Variants in NFAT5 observed in about 807,000 individuals in gnomAD.
NFAT5 encodes nuclear factor of activated T cells 5.
In NFAT5, 31 loss-of-function variants were observed where a neutral mutation model predicts 166.5. That is an observed-to-expected ratio of 0.19 (90% CI 0.14 to 0.25). NFAT5 has a LOEUF of 0.25. Among genes scored for constraint, NFAT5 ranks in the 10% least tolerant of loss-of-function variants. NFAT5 has a pLI of 1.00. For missense variants in NFAT5, 1,449 were observed against 1,821.8 expected (o/e 0.80, Z 3.72); for synonymous variants, 612 against 639.7 (o/e 0.96, Z 0.65).
intron 2 of NFAT5, among the ~76,000 whole-genome samples, chr16:69,621,253 TA>T (rs74847444): frequency 0.061 from 8,798 of 143,630 alleles, 428 homozygotes; most frequent in East Asian, 0.24. Context: ...TCTCTTCCTT[TA>T]AAAAAAAAAA....
chr16:69,624,416 A>G (rs2034349673), intron 2 of NFAT5, among the ~76,000 whole-genome samples: 1 of 152,026 alleles, frequency 6.6e-6, no homozygotes, highest in Non-Finnish European at 1.5e-5. Context: ...CATTTTGGCC[A>G]GGCTGGTCTC....
At chr16:69,576,487 T>TG (rs1216559976) in intron 2 of NFAT5, among the ~76,000 whole-genome samples, 2 of 152,098 alleles carry the variant, frequency 1.3e-5, no homozygotes, top group Non-Finnish European at 2.9e-5. Flanking sequence ...ATGACTCTTT[T>TG]GGGGAAGATT....
chr16:69,590,309 T>C (rs527822540), intron 2 of NFAT5, among the ~76,000 whole-genome samples: 1 of 152,358 alleles, frequency 6.6e-6, no homozygotes, highest in South Asian at 2.1e-4. Context: ...AATCTTGTTT[T>C]AGACAATTTT....
chr16:69,579,195 T>C (rs2031505388), intron 2 of NFAT5, among the ~76,000 whole-genome samples: 2 of 152,214 alleles, frequency 1.3e-5, no homozygotes. Context: ...TAAAATTATA[T>C]TGTGAACTCC....
intron 2 of NFAT5, among the ~76,000 whole-genome samples, chr16:69,577,169 T>C (rs555841315): frequency 2.6e-5 from 4 of 152,356 alleles, no homozygotes; most frequent in Admixed American, 2.0e-4. Context: ...CATTTTGTTG[T>C]TCTGCTATGG....
At chr16:69,681,044 G>C (rs1269473068) in intron 10 of NFAT5, among the ~76,000 whole-genome samples, 3 of 152,200 alleles carry the variant, frequency 2.0e-5, no homozygotes, top group African/African-American at 7.2e-5. Flanking sequence ...ACAGGCATGA[G>C]CCACAGTTGT....
chr16:69,645,262 TAA>T (rs1205790101), intron 3 of NFAT5, among the ~76,000 whole-genome samples: 2 of 152,236 alleles, frequency 1.3e-5, no homozygotes, highest in Admixed American at 6.5e-5. Context: ...ACAAAATTGA[TAA>T]GTTTTCCTTT....
rs2035749830 is a variant in NFAT5, at chr16:69,653,239, A to G, written c.816A>G (p.Thr272=). ...ATGTTGTGCTTTGATTTCTCAGAAC[A>G]TTGGAAAACCAAAAAGGAACTGGAG... ...NKGNSKAGNG[T]LENQKGTGVK... The change falls in exon 5 of 15, where the codon ACA becomes ACG. Residue 272 remains threonine, a synonymous_variant. Transcript: ENST00000349945. 1.3e-6 allele frequency: 2 copies of G among 1,565,910 alleles called. No individual in the cohort carries two copies. The highest frequency in any genetic ancestry group is 1.7e-6 in the Non-Finnish European group (2 of 1,164,750).
At chr16:69,635,524 G>A (rs7191292) in intron 3 of NFAT5, among the ~76,000 whole-genome samples, 82,794 of 151,728 alleles carry the variant, frequency 0.55, 24,073 homozygotes, top group East Asian at 0.82. Context: ...AATCTGCATT[G>A]GTCTGTTTTC....
chr16:69,583,054 T>G (rs558778516), intron 2 of NFAT5, among the ~76,000 whole-genome samples: 2 of 151,826 alleles, frequency 1.3e-5, no homozygotes, highest in African/African-American at 4.8e-5. Flanking sequence ...TTTTAAAAAT[T>G]TATTTATAAG....
chr16:69,679,870 G>C (rs1377239963), intron 10 of NFAT5, among the ~76,000 whole-genome samples: 6 of 152,172 alleles, frequency 3.9e-5, no homozygotes, highest in African/African-American at 7.2e-5. Context: ...ATCCCCGCCA[G>C]CACTTCGGGA....
Position 69,626,402 on chromosome 16 carries a change from G to T in NFAT5, c.128-1G>T. The stretch of plus-strand genomic sequence containing the variant: ...TTCTCCTCTCTTTCCCCTCCCCACA[G>T]AATCTGTCTATGATCTTCTCCCAAA... On this transcript the variant is annotated splice_acceptor_variant, in intron 2 of 14. Transcript: ENST00000349945. LOFTEE classifies it high-confidence loss of function. 1 of 1,558,284 alleles carries T rather than the reference G, an allele frequency of 6.4e-7. No homozygotes were observed. Among genetic ancestry groups the T allele is most frequent in the Non-Finnish European group, 8.6e-7 (1 of 1,158,018 alleles).
intron 2 of NFAT5, among the ~76,000 whole-genome samples, chr16:69,620,163 A>G (rs181267238): frequency 6.6e-6 from 1 of 152,256 alleles, no homozygotes; most frequent in East Asian, 1.9e-4. Context: ...TCCTTTTTCC[A>G]GTTGCCCTGG....
intron 7 of NFAT5, among the ~76,000 whole-genome samples, chr16:69,664,244 T>A (rs2036265880): frequency 6.6e-6 from 1 of 152,224 alleles, no homozygotes; most frequent in Non-Finnish European, 1.5e-5. Context: ...ATTTGCTTAC[T>A]TATTTTTCAG....
At chr16:69,604,954 A>G (rs1474842380) in intron 2 of NFAT5, among the ~76,000 whole-genome samples, 1 of 152,314 alleles carries the variant, frequency 6.6e-6, no homozygotes, top group South Asian at 2.1e-4. Flanking sequence ...TCATCCACTG[A>G]TGGACATTCA....
At chr16:69,657,559 G>C (rs1310273901) in intron 6 of NFAT5, among the ~76,000 whole-genome samples, 1 of 149,600 alleles carries the variant, frequency 6.7e-6, no homozygotes, top group Non-Finnish European at 1.5e-5. Flanking sequence ...AGGAGTTCAA[G>C]ACCAGCCTGG....
chr16:69,653,555 C>A (rs970591749), intron 5 of NFAT5, 127 bp downstream of exon 5: 11 of 558,610 alleles, frequency 2.0e-5, no homozygotes, highest in Non-Finnish European at 2.9e-5. Flanking sequence ...GAATTAGATT[C>A]ATCCCAAACT....
At chr16:69,664,282 CTTTA>C (rs1467498884) in intron 7 of NFAT5, among the ~76,000 whole-genome samples, 3 of 151,806 alleles carry the variant, frequency 2.0e-5, no homozygotes, top group East Asian at 1.9e-4. Context: ...TTTTTTTCAA[CTTTA>C]TTTATTTATT....
Position 69,616,848 on chromosome 16 carries a change from C to T in NFAT5, c.128-9555C>T, listed in dbSNP as rs187902355. Among the ~76,000 whole-genome samples, 338 of 152,070 alleles carry T rather than the reference C, an allele frequency of 2.2e-3. 2 individuals carry two copies. The highest frequency in any genetic ancestry group is 5.6e-3 in the South Asian group (27 of 4,810). On this transcript the variant is annotated intron_variant, in intron 2 of 14. Transcript: ENST00000349945. ...ATCCCTTCCCAGGCCTCCCCCTATTCTCTATAGGTATCCTTCCCCCTCCCC... is the reference window on the plus strand; with the variant it reads ...ATCCCTTCCCAGGCCTCCCCCTATTTTCTATAGGTATCCTTCCCCCTCCCC...
Sources: gnomAD v4.1 joint callset for allele counts (sites outside exome capture counted in the v4.1 genomes callset) on GRCh38, gnomAD v4.1.1 for gene constraint, MANE v1.5 for transcripts, NCBI Gene and HGNC (gene_info 2026-07-23, HGNC 2026-07-21) for gene names.